COL5A2: variants seen among roughly 807,000 people sequenced by gnomAD.
COL5A2 encodes collagen type V alpha 2 chain, also known as collagen alpha-2(V) chain.
A neutral mutation model predicts 208.2 loss-of-function variants in COL5A2; 23 were observed. That is an observed-to-expected ratio of 0.11 (90% CI 0.08 to 0.16). The LOEUF (loss-of-function observed/expected upper bound fraction) is 0.16. Ranked by LOEUF, COL5A2 falls within the 10% of genes least tolerant of loss-of-function variation. The pLI, the probability that COL5A2 is intolerant of heterozygous loss-of-function variation, is 1.00. For missense variants in COL5A2, 1,590 were observed against 1,956.4 expected, an observed-to-expected ratio of 0.81 and a Z score of 3.53; for synonymous variants, 625 against 628.5, an observed-to-expected ratio of 0.99 and a Z score of 0.08.
At chr2:189,179,385 G>C in intron 1 of COL5A2, 123 bp downstream of exon 1, 1 of 1,096,532 alleles carries the variant, frequency 9.1e-7, no homozygotes, top group South Asian at 1.3e-5. Context: ...GTGCAAATCC[G>C]TCAGCCCCCT....
the COL5A2 span, among the ~76,000 whole-genome samples, chr2:189,296,142 T>C: frequency 6.6e-6 from 1 of 152,182 alleles, no homozygotes. Flanking sequence ...GTTCTTTTTT[T>C]GTCTTTATGC....
chr2:189,083,844 AT>A, intron 12 of COL5A2, 139 bp downstream of exon 12: 1 of 700,428 alleles, frequency 1.4e-6, no homozygotes, highest in Non-Finnish European at 2.5e-6. Flanking sequence ...GTCCTGTGAC[AT>A]TTTACATTTT....
the COL5A2 span, among the ~76,000 whole-genome samples, chr2:189,432,739 T>C: frequency 1.4e-4 from 21 of 152,136 alleles, no homozygotes; most frequent in Admixed American, 1.4e-3. Flanking sequence ...ATGGGAGACT[T>C]TAACACCCCA....
Position 189,066,743 on chromosome 2 carries a change from G to A in COL5A2, c.1441C>T (p.Pro481Ser). The change falls in exon 22 of 54, where the codon CCA (proline) becomes TCA (serine). Residue 481 changes from proline (P) to serine (S), a missense_variant. Pro to Ser is a moderately conservative substitution (Grantham distance 74). Coordinates refer to ENST00000374866, the MANE Select transcript of COL5A2 (RefSeq NM_000393.5). ...GVPGFKGEAG[P>S]KGEPGPHGIQ... ...TGAAACCTTACTGGTTCCCCTTTTG[G>A]GCCAGCTTCTCCTTTGAAACCTGGA... 6.2e-7 allele frequency: 1 copy of A among 1,613,046 alleles called. No homozygotes were observed. Among genetic ancestry groups the A allele is most frequent in the Non-Finnish European group, 8.5e-7 (1 of 1,179,442 alleles).
rs1685797044 is a variant in COL5A2 at position 189,051,889 on chromosome 2, A to T, written c.2769+283T>A. Reference sequence around the variant, plus strand: ...TCATAGTTGCATCTTAACTGAAGAGAATGATTATTAGCACATAATACTGTA... The same window carrying T: ...TCATAGTTGCATCTTAACTGAAGAGTATGATTATTAGCACATAATACTGTA... On this transcript the variant is annotated intron_variant, in intron 41 of 53. Transcript: ENST00000374866. Among the ~76,000 whole-genome samples, 3 of 152,314 alleles carry T rather than the reference A, an allele frequency of 2.0e-5. No homozygotes were observed. In the South Asian group the frequency reaches 6.2e-4, roughly 32 times the overall value.
intron 1 of COL5A2, among the ~76,000 whole-genome samples, chr2:189,209,835 TA>T (rs1335162943): frequency 6.6e-6 from 1 of 152,236 alleles, no homozygotes; most frequent in Non-Finnish European, 1.5e-5. Flanking sequence ...CAGTTTTGAA[TA>T]TTTTGAATTA....
At chr2:189,309,872 T>C in the COL5A2 span, among the ~76,000 whole-genome samples, 1 of 152,186 alleles carries the variant, frequency 6.6e-6, no homozygotes, top group Non-Finnish European at 1.5e-5. Flanking sequence ...CAAGATAATT[T>C]AGAGGTCACG....
the COL5A2 span, among the ~76,000 whole-genome samples, chr2:189,231,465 G>A: frequency 2.0e-5 from 3 of 151,524 alleles, no homozygotes; most frequent in African/African-American, 7.3e-5. Context: ...ATTCACACCC[G>A]GTGCCTTTGA....
intron 6 of COL5A2, among the ~76,000 whole-genome samples, chr2:189,094,284 A>G (rs1046787381): frequency 6.6e-6 from 1 of 152,156 alleles, no homozygotes; most frequent in Non-Finnish European, 1.5e-5. Context: ...AGTGAACACA[A>G]GAATGTTTAC....
At chr2:189,404,567 C>T in the COL5A2 span, among the ~76,000 whole-genome samples, 1 of 152,316 alleles carries the variant, frequency 6.6e-6, no homozygotes, top group South Asian at 2.1e-4. Flanking sequence ...CACTGGCTTT[C>T]CTGTTCTCCA....
At chr2:189,366,327 T>C in the COL5A2 span, among the ~76,000 whole-genome samples, 2 of 152,188 alleles carry the variant, frequency 1.3e-5, no homozygotes, top group Non-Finnish European at 1.5e-5. Context: ...TCTGTAGCAG[T>C]GGTTCTCAAC....
At chr2:189,189,263 CA>C (rs1688894203) in intron 1 of COL5A2, among the ~76,000 whole-genome samples, 1 of 152,100 alleles carries the variant, frequency 6.6e-6, no homozygotes, top group Non-Finnish European at 1.5e-5. Context: ...AGAGATGTAT[CA>C]AATGGGAGAC....
chr2:189,339,438 A>G, the COL5A2 span, among the ~76,000 whole-genome samples: 1 of 152,054 alleles, frequency 6.6e-6, no homozygotes, highest in Non-Finnish European at 1.5e-5. Context: ...TTCCAGCTTC[A>G]CTTGATGCTC....
At chr2:189,100,803 T>C (rs1306345572) in intron 3 of COL5A2, among the ~76,000 whole-genome samples, 1 of 151,838 alleles carries the variant, frequency 6.6e-6, no homozygotes, top group Non-Finnish European at 1.5e-5. Context: ...TGTAAGTAAA[T>C]AGGGTCAGGT....
At chr2:189,380,135 T>A in the COL5A2 span, among the ~76,000 whole-genome samples, 85,672 of 151,740 alleles carry the variant, frequency 0.56, 25,996 homozygotes, top group East Asian at 0.69. Context: ...GTCAGAAATA[T>A]ACACATAAAA....
the COL5A2 span, among the ~76,000 whole-genome samples, chr2:189,278,889 C>CT: frequency 6.6e-6 from 1 of 151,884 alleles, no homozygotes. Context: ...GTCATGTTTT[C>CT]ATAACTATCA....
the COL5A2 span, among the ~76,000 whole-genome samples, chr2:189,399,961 A>G: frequency 6.6e-6 from 1 of 152,134 alleles, no homozygotes; most frequent in Non-Finnish European, 1.5e-5. Context: ...TTGGCCTCTG[A>G]AAGTGCTGAA....
the COL5A2 span, among the ~76,000 whole-genome samples, chr2:189,288,651 C>T: frequency 6.6e-6 from 1 of 152,080 alleles, no homozygotes; most frequent in Admixed American, 6.6e-5. Context: ...GAACAAATAC[C>T]TATCCTTCTC....
chr2:189,336,239 C>G, the COL5A2 span, among the ~76,000 whole-genome samples: 3 of 151,994 alleles, frequency 2.0e-5, no homozygotes, highest in Non-Finnish European at 4.4e-5. Flanking sequence ...ATAAATAATA[C>G]CAAGTAATGG....
Sources: gnomAD v4.1 joint callset for allele counts (sites outside exome capture counted in the v4.1 genomes callset) on GRCh38, gnomAD v4.1.1 for gene constraint, MANE v1.5 for transcripts, NCBI Gene and HGNC (gene_info 2026-07-23, HGNC 2026-07-21) for gene names.